Variants in LRRTM4 observed in about 807,000 individuals in gnomAD.
The protein encoded by LRRTM4 is leucine-rich repeat transmembrane neuronal protein 4.
A neutral mutation model predicts 47.6 loss-of-function variants in LRRTM4; 25 were observed. The observed-to-expected ratio is 0.53, with a 90% CI of 0.38 to 0.73. The LOEUF (loss-of-function observed/expected upper bound fraction) is 0.73. LRRTM4 is among the 30% of genes least tolerant of loss of function. LRRTM4 has a pLI of 0.00. For missense variants in LRRTM4, 638 were observed against 713.4 expected, an observed-to-expected ratio of 0.89 and a Z score of 1.20; for synonymous variants, 311 against 269.5, an observed-to-expected ratio of 1.15 and a Z score of -1.51.
chr2:76,800,896 C>G (rs1675636410), intron 3 of LRRTM4, among the ~76,000 whole-genome samples: 1 of 151,342 alleles, frequency 6.6e-6, no homozygotes, highest in Non-Finnish European at 1.5e-5. Context: ...ATGAAAACCA[C>G]AATGAGATAC....
At chr2:77,021,110 GTATC>G (rs36108858) in intron 3 of LRRTM4, among the ~76,000 whole-genome samples, 9 of 150,918 alleles carry the variant, frequency 6.0e-5, no homozygotes, top group African/African-American at 7.3e-5. Context: ...ATCTATCTAT[GTATC>G]TATCTATCTA....
intron 3 of LRRTM4, among the ~76,000 whole-genome samples, chr2:77,362,902 T>C (rs1014528555): frequency 1.3e-5 from 2 of 152,346 alleles, no homozygotes; most frequent in Non-Finnish European, 2.9e-5. Flanking sequence ...TTAGCCCGTT[T>C]CTTAATTTGA....
chr2:77,490,529 C>T (rs922939254), intron 3 of LRRTM4, among the ~76,000 whole-genome samples: 1 of 151,638 alleles, frequency 6.6e-6, no homozygotes. Flanking sequence ...GTGCAATCCA[C>T]AAAAGAAAAA....
In LRRTM4 at chr2:77,086,715, G is replaced by A. The variant is rs567684619; in HGVS notation, c.1552-337799C>T. On this transcript the variant is annotated intron_variant, in intron 3 of 3. Coordinates refer to ENST00000409884, the MANE Select transcript of LRRTM4 (RefSeq NM_001134745.3). ...TCACCACACTGGCCAGGCTGGTGGCGAAATCCTGACCTCAGGTAATCCGGC... is the reference window on the plus strand; with the variant it reads ...TCACCACACTGGCCAGGCTGGTGGCAAAATCCTGACCTCAGGTAATCCGGC... 2.2e-4 allele frequency among the ~76,000 whole-genome samples: 34 copies of A among 152,002 alleles called. 1 individual carries two copies. The South Asian group carries it at 4.8e-3, about 21-fold the overall frequency.
At chr2:77,088,585 G>A (rs566716264) in intron 3 of LRRTM4, among the ~76,000 whole-genome samples, 3 of 151,914 alleles carry the variant, frequency 2.0e-5, no homozygotes, top group Non-Finnish European at 4.4e-5. Flanking sequence ...CTCTCTTTTC[G>A]GACTCAGCCC....
At chr2:77,228,953 C>T (rs1674890361) in intron 3 of LRRTM4, among the ~76,000 whole-genome samples, 1 of 152,064 alleles carries the variant, frequency 6.6e-6, no homozygotes, top group African/African-American at 2.4e-5. Flanking sequence ...ATGACCCCTT[C>T]TCTTTTTTAA....
At chr2:77,024,405 T>C (rs1054611256) in intron 3 of LRRTM4, among the ~76,000 whole-genome samples, 2 of 152,018 alleles carry the variant, frequency 1.3e-5, no homozygotes, top group East Asian at 1.9e-4. Flanking sequence ...GTTGTCACAA[T>C]TGGCAGAATT....
intron 3 of LRRTM4, among the ~76,000 whole-genome samples, chr2:77,008,778 C>T (rs1375566482): frequency 6.6e-6 from 1 of 152,012 alleles, no homozygotes; most frequent in African/African-American, 2.4e-5. Flanking sequence ...TAATTGTTTT[C>T]TAGGCCTGAA....
At chr2:76,970,585 C>A (rs1402522103) in intron 3 of LRRTM4, among the ~76,000 whole-genome samples, 1 of 151,856 alleles carries the variant, frequency 6.6e-6, no homozygotes, top group African/African-American at 2.4e-5. Flanking sequence ...CCATAATAAC[C>A]CCTGAGAAAT....
chr2:77,369,580 A>C (rs1573322612), intron 3 of LRRTM4, among the ~76,000 whole-genome samples: 1 of 151,898 alleles, frequency 6.6e-6, no homozygotes, highest in Admixed American at 6.6e-5. Context: ...GATAATAGAT[A>C]TGTTAATTTG....
chr2:76,831,175 GTATCTATA>G (rs1289608180), intron 3 of LRRTM4, among the ~76,000 whole-genome samples: 1 of 152,056 alleles, frequency 6.6e-6, no homozygotes, highest in Non-Finnish European at 1.5e-5. Flanking sequence ...AATTCTGAGT[GTATCTATA>G]TATGTGAATG....
intron 3 of LRRTM4, among the ~76,000 whole-genome samples, chr2:77,166,508 A>G (rs1672890761): frequency 1.3e-5 from 2 of 152,198 alleles, no homozygotes; most frequent in Admixed American, 1.3e-4. Context: ...GACAATACTA[A>G]GCCACAAGAA....
At chr2:77,000,599 T>C (rs530393134) in intron 3 of LRRTM4, among the ~76,000 whole-genome samples, 3 of 152,270 alleles carry the variant, frequency 2.0e-5, no homozygotes, top group African/African-American at 4.8e-5. Context: ...CTAAGTAAGA[T>C]GAAGTGGAAG....
intron 3 of LRRTM4, among the ~76,000 whole-genome samples, chr2:77,261,014 A>C (rs572004850): frequency 1.8e-3 from 277 of 152,204 alleles, no homozygotes; most frequent in African/African-American, 6.5e-3. Context: ...TTAGGCAGAC[A>C]CAAATTGGAG....
At chr2:77,167,599 A>G (rs950533506) in intron 3 of LRRTM4, among the ~76,000 whole-genome samples, 1 of 152,236 alleles carries the variant, frequency 6.6e-6, no homozygotes, top group Non-Finnish European at 1.5e-5. Context: ...TGGCATATAT[A>G]CACCACGGAA....
intron 3 of LRRTM4, among the ~76,000 whole-genome samples, chr2:77,163,717 T>C (rs895228047): frequency 6.6e-6 from 1 of 152,170 alleles, no homozygotes; most frequent in Non-Finnish European, 1.5e-5. Context: ...CTAAGCTTCA[T>C]AAGTGAAGGA....
At chr2:77,277,030 A>C (rs1044951433) in intron 3 of LRRTM4, among the ~76,000 whole-genome samples, 1 of 151,862 alleles carries the variant, frequency 6.6e-6, no homozygotes, top group African/African-American at 2.4e-5. Flanking sequence ...GCCTATGTTC[A>C]GTCTTTAAAA....
intron 3 of LRRTM4, among the ~76,000 whole-genome samples, chr2:77,127,985 A>G (rs1671692910): frequency 6.6e-6 from 1 of 152,058 alleles, no homozygotes; most frequent in Non-Finnish European, 1.5e-5. Context: ...TCTACTAAAA[A>G]TACAAAAATT....
intron 3 of LRRTM4, among the ~76,000 whole-genome samples, chr2:77,123,880 C>T (rs1260613682): frequency 6.6e-6 from 1 of 152,024 alleles, no homozygotes; most frequent in Non-Finnish European, 1.5e-5. Context: ...GCTCATCTTC[C>T]TGGGACGTTG....
Sources: gnomAD v4.1 joint callset for allele counts (sites outside exome capture counted in the v4.1 genomes callset) on GRCh38, gnomAD v4.1.1 for gene constraint, MANE v1.5 for transcripts, NCBI Gene and HGNC (gene_info 2026-07-23, HGNC 2026-07-21) for gene names.